Variants in ZMPSTE24 observed in about 807,000 individuals in gnomAD.
ZMPSTE24 encodes the protein zinc metallopeptidase STE24.
Under a neutral mutation model 56.7 loss-of-function variants are expected in ZMPSTE24, and 48 were observed. The ratio of observed to expected loss-of-function variants is 0.85; its 90% CI spans 0.67 to 1.08. ZMPSTE24 has a LOEUF of 1.08. Ranked by LOEUF, ZMPSTE24 falls within the 50% of genes least tolerant of loss-of-function variation. ZMPSTE24 has a pLI of 0.00. For missense variants in ZMPSTE24, 503 were observed against 548.7 expected (o/e 0.92, Z 0.83); for synonymous variants, 172 against 195.2 (o/e 0.88, Z 0.99).
rs1040784424 is a variant in ZMPSTE24, at chr1:40,271,935, T to C, written c.669T>C (p.Phe223=). 3.7e-6 allele frequency: 6 copies of C among 1,613,652 alleles called. No individual in the cohort carries two copies. Among genetic ancestry groups the C allele is most frequent in the African/African-American group, 1.3e-5 (1 of 74,940 alleles). ...TIYADYIAPL[F]DKFTPLPEGK... ...ATGCTGATTATATTGCCCCTTTATT[T>C]GACAAATTCACACCTCTGCCTGAGG... Residue 223 remains phenylalanine, a synonymous_variant, in exon 6 of 10, where the codon TTT becomes TTC. Coordinates refer to ENST00000372759, the MANE Select transcript of ZMPSTE24 (RefSeq NM_005857.5).
chr1:40,269,000 C>T (rs938339364), intron 4 of ZMPSTE24, among the ~76,000 whole-genome samples: 1 of 143,864 alleles, frequency 7.0e-6, no homozygotes. Flanking sequence ...GGCGTGAACC[C>T]GGGAGGCAGA....
In ZMPSTE24 at chr1:40,268,464, G is replaced by T. The variant is rs1185678557; in HGVS notation, c.403G>T (p.Ala135Ser). ...TCTGCTGTTGGCTACACTTTTCAGT[G>T]CATTGACTGGTTTGCCATGGAGTCT... ...VFLLLATLFS[A>S]LTGLPWSLYN... Residue 135 changes from alanine (A) to serine (S), a missense_variant, in exon 4 of 10, where the codon GCA becomes TCA. Coordinates refer to ENST00000372759, the MANE Select transcript of ZMPSTE24 (RefSeq NM_005857.5). The T allele has an allele frequency of 2.5e-6, 4 of 1,612,812 alleles. No homozygotes were observed. The highest frequency in any genetic ancestry group is 1.3e-5 in the African/African-American group (1 of 74,888).
At chr1:40,268,932 C>T (rs1643583886) in intron 4 of ZMPSTE24, among the ~76,000 whole-genome samples, 2 of 151,432 alleles carry the variant, frequency 1.3e-5, no homozygotes, top group Admixed American at 1.3e-4. Context: ...AAAAATTAGC[C>T]GGGCTTGGTG....
At chr1:40,274,563 A>C (rs1263667469) in intron 6 of ZMPSTE24, among the ~76,000 whole-genome samples, 2 of 152,228 alleles carry the variant, frequency 1.3e-5, no homozygotes, top group Non-Finnish European at 2.9e-5. Flanking sequence ...GTGTGGCTGC[A>C]CCATAGCAGG....
At chr1:40,261,707 GTTTTGTTTTGT>G (rs1290247924) in intron 2 of ZMPSTE24, among the ~76,000 whole-genome samples, 1 of 151,696 alleles carries the variant, frequency 6.6e-6, no homozygotes, top group African/African-American at 2.4e-5. Context: ...TGCTTTTTTT[GTTTTGTTTTGT>G]TTTTGTTTTT....
intron 6 of ZMPSTE24, among the ~76,000 whole-genome samples, chr1:40,278,271 A>G (rs1032630080): frequency 1.1e-4 from 16 of 152,164 alleles, no homozygotes; most frequent in African/African-American, 3.9e-4. Flanking sequence ...TGAAAAAAGT[A>G]TATGAATAAC....
At chr1:40,280,895 C>T (rs1346919467) in intron 6 of ZMPSTE24, among the ~76,000 whole-genome samples, 1 of 152,174 alleles carries the variant, frequency 6.6e-6, no homozygotes, top group Non-Finnish European at 1.5e-5. Flanking sequence ...CAAATTTCAA[C>T]AATGCAAAAA....
At chr1:40,263,549 T>C (rs986541789) in intron 2 of ZMPSTE24, among the ~76,000 whole-genome samples, 1 of 152,246 alleles carries the variant, frequency 6.6e-6, no homozygotes, top group African/African-American at 2.4e-5. Flanking sequence ...AACATGAATG[T>C]GCTAAATTTA....
chr1:40,280,518 G>A (rs893766417), intron 6 of ZMPSTE24, among the ~76,000 whole-genome samples: 2 of 151,878 alleles, frequency 1.3e-5, no homozygotes, highest in African/African-American at 4.8e-5. Context: ...TCCGTCTCCT[G>A]GGTTCAAGCA....
In ZMPSTE24 at chr1:40,277,375, C is replaced by A. The variant is rs138888588; in HGVS notation, c.770-3968C>A. Among the ~76,000 whole-genome samples the A allele has an allele frequency of 6.4e-4, 98 of 152,192 alleles. 1 individual carries two copies. The South Asian group carries it at 0.013, about 21-fold the overall frequency. ...TGCTGGGATTACAGGCATGAGCCACCGCACCCTGCCAGGGATTCTTAAACT... is the reference window on the plus strand; with the variant it reads ...TGCTGGGATTACAGGCATGAGCCACAGCACCCTGCCAGGGATTCTTAAACT... On this transcript the variant is annotated intron_variant, in intron 6 of 9. Transcript: ENST00000372759.
In ZMPSTE24 at chr1:40,263,878, T is replaced by A. The variant is rs930364076; in HGVS notation, c.270+2893T>A. The stretch of plus-strand genomic sequence containing the variant: ...TCCAGCCTCTCTGAGACACTTTCTC[T>A]AATATCTCACAGATATCAATAAAGG... On this transcript the variant is annotated intron_variant, in intron 2 of 9. Transcript: ENST00000372759. Among the ~76,000 whole-genome samples the A allele has an allele frequency of 2.0e-4, 30 of 152,128 alleles. 2 individuals are homozygous for A. Among genetic ancestry groups the A allele is most frequent in the Non-Finnish European group, 4.4e-5 (3 of 68,024 alleles).
chr1:40,260,273 C>T (rs1643483870), intron 1 of ZMPSTE24, among the ~76,000 whole-genome samples: 1 of 151,686 alleles, frequency 6.6e-6, no homozygotes, highest in African/African-American at 2.4e-5. Flanking sequence ...ATTGCTCAGG[C>T]CAGTCTTGAA....
chr1:40,259,352 T>G (rs1162375870), intron 1 of ZMPSTE24: 1 of 152,060 alleles, frequency 6.6e-6, no homozygotes, highest in African/African-American at 2.4e-5. Context: ...AATTTTAGAG[T>G]CTAGCTCTGT....
At chr1:40,281,193 G>A (rs1469223749) in intron 6 of ZMPSTE24, 150 bp from the exon 7 acceptor site, 4 of 781,616 alleles carry the variant, frequency 5.1e-6, no homozygotes, top group African/African-American at 1.7e-5. Flanking sequence ...TCCACTGCTG[G>A]TGGTGAATTA....
At chr1:40,271,827 C>A in intron 5 of ZMPSTE24, 67 bp from the exon 6 acceptor site, 1 of 1,537,672 alleles carries the variant, frequency 6.5e-7, no homozygotes, top group Non-Finnish European at 8.9e-7. Flanking sequence ...ATAATTTAAT[C>A]TGTATAATAA....
At position 40,291,023 on chromosome 1, in the gene ZMPSTE24, A is replaced by G. The variant is rs369258900; in HGVS notation, c.1203+26A>G. 2.1e-4 allele frequency: 342 copies of G among 1,612,570 alleles called. 1 individual carries two copies. The highest frequency in any genetic ancestry group is 7.8e-4 in the East Asian group (35 of 44,834). On this transcript the variant is annotated intron_variant, in intron 9 of 9. Transcript: ENST00000372759. ...GTAATGTATGATCTTTAAAATTATC[A>G]CACATATGCTCTTGCCTGCTTCAAA... is the stretch of plus-strand genomic sequence containing the variant.
In ZMPSTE24 at chr1:40,286,039, G is replaced by C. The variant is rs1643784274; in HGVS notation, c.1059+10G>C. 1.2e-6 allele frequency: 2 copies of C among 1,606,902 alleles called. No individual in the cohort carries two copies. Among genetic ancestry groups the C allele is most frequent in the Non-Finnish European group, 1.7e-6 (2 of 1,173,850 alleles). ...TATCATTATTAGCCAGGTAAGTGTG[G>C]AGTGACAATTCTTTTTTTATGGCAT... On this transcript the variant is annotated intron_variant, in intron 8 of 9. Transcript: ENST00000372759.
chr1:40,276,611 TATC>T (rs1229264675), intron 6 of ZMPSTE24, among the ~76,000 whole-genome samples: 2 of 152,250 alleles, frequency 1.3e-5, no homozygotes, highest in East Asian at 3.8e-4. Context: ...CCTCAAGCGA[TATC>T]ATTAATCCAT....
intron 7 of ZMPSTE24, among the ~76,000 whole-genome samples, chr1:40,284,256 G>C (rs1263105350): frequency 1.3e-5 from 2 of 151,238 alleles, no homozygotes; most frequent in Admixed American, 6.6e-5. Context: ...CTGGCCTTCA[G>C]CTTGGATTTC....
Sources: allele counts gnomAD v4.1 joint callset (sites outside exome capture counted in the v4.1 genomes callset), GRCh38; gene constraint gnomAD v4.1.1; transcripts MANE v1.5; gene names NCBI Gene and HGNC (gene_info 2026-07-23, HGNC 2026-07-21).